SCN11A: variants seen among roughly 807,000 people sequenced by gnomAD.
The protein encoded by SCN11A is sodium channel protein type 11 subunit alpha.
SCN11A carries 122 observed loss-of-function variants against 162.2 expected under a neutral mutation model. That is an observed-to-expected ratio of 0.75 (90% confidence interval 0.65 to 0.87). SCN11A has a LOEUF of 0.87. Among genes scored for constraint, SCN11A ranks in the 40% least tolerant of loss-of-function variants. SCN11A has a pLI of 0.00. For synonymous variants in SCN11A, 758 were observed against 751.5 expected, an observed-to-expected ratio of 1.01 and a Z score of -0.14; for missense variants, 2,015 against 2,181.6, an observed-to-expected ratio of 0.92 and a Z score of 1.52.
At chr3:38,891,621 A>G (rs1207691378) in intron 19 of SCN11A, among the ~76,000 whole-genome samples, 1 of 152,212 alleles carries the variant, frequency 6.6e-6, no homozygotes, top group Non-Finnish European at 1.5e-5. Flanking sequence ...TGGGAAGACC[A>G]AGATCAACAG....
At chr3:38,887,695 A>T (rs1298276870) in intron 19 of SCN11A, among the ~76,000 whole-genome samples, 1 of 152,206 alleles carries the variant, frequency 6.6e-6, no homozygotes, top group Non-Finnish European at 1.5e-5. Flanking sequence ...TGGCACAGAT[A>T]ATAAGAGAAT....
At chr3:38,907,479 C>T (rs2065819001) in intron 14 of SCN11A, among the ~76,000 whole-genome samples, 1 of 151,722 alleles carries the variant, frequency 6.6e-6, no homozygotes, top group Non-Finnish European at 1.5e-5. Flanking sequence ...GGTTACCTTC[C>T]ATTCCATATA....
At chr3:38,936,129 T>A (rs1302065750) in intron 7 of SCN11A, among the ~76,000 whole-genome samples, 1 of 151,526 alleles carries the variant, frequency 6.6e-6, no homozygotes, top group African/African-American at 2.4e-5. Flanking sequence ...CACATGATTA[T>A]CTCAATAGAT....
intron 18 of SCN11A, among the ~76,000 whole-genome samples, chr3:38,895,813 C>T (rs987752896): frequency 4.6e-5 from 7 of 152,100 alleles, no homozygotes; most frequent in South Asian, 4.2e-4. Context: ...AATCCTTTCT[C>T]GGTGCTCTCC....
intron 23 of SCN11A, among the ~76,000 whole-genome samples, chr3:38,873,013 A>C (rs1243852408): frequency 3.9e-5 from 6 of 152,206 alleles, no homozygotes; most frequent in African/African-American, 1.4e-4. Flanking sequence ...TGGGGAATTA[A>C]ATGCTATTTT....
At chr3:38,916,119 T>C (rs1481644210) in intron 11 of SCN11A, among the ~76,000 whole-genome samples, 5 of 152,228 alleles carry the variant, frequency 3.3e-5, no homozygotes, top group African/African-American at 1.2e-4. Flanking sequence ...AAATTAAGAT[T>C]GCAACTTCTG....
At chr3:38,994,268 T>C (rs984336473) in intron 2 of SCN11A, among the ~76,000 whole-genome samples, 1 of 152,206 alleles carries the variant, frequency 6.6e-6, no homozygotes, top group East Asian at 1.9e-4. Context: ...GGCAGAACGA[T>C]GGACCAGCTA....
chr3:39,037,615 T>C (rs1443699885), intron 1 of SCN11A, among the ~76,000 whole-genome samples: 1 of 152,128 alleles, frequency 6.6e-6, no homozygotes, highest in East Asian at 1.9e-4. Context: ...ATACATCTAC[T>C]ATATACCTAT....
intron 27 of SCN11A, among the ~76,000 whole-genome samples, chr3:38,866,885 G>A (rs1054113608): frequency 2.0e-5 from 3 of 152,218 alleles, no homozygotes; most frequent in Non-Finnish European, 4.4e-5. Context: ...TAGATCTGCT[G>A]AGGCTTGGGT....
chr3:38,955,098 G>A (rs1483295423), intron 3 of SCN11A, among the ~76,000 whole-genome samples: 1 of 152,212 alleles, frequency 6.6e-6, no homozygotes, highest in African/African-American at 2.4e-5. Flanking sequence ...AGACCAGCCT[G>A]GCCAACATGG....
intron 9 of SCN11A, among the ~76,000 whole-genome samples, chr3:38,923,861 C>T (rs942608315): frequency 6.6e-5 from 10 of 152,112 alleles, no homozygotes; most frequent in African/African-American, 2.4e-4. Flanking sequence ...GTCTGAGAGA[C>T]AGACAAGGGA....
chr3:38,894,269 A>G (rs1372799067), intron 19 of SCN11A, among the ~76,000 whole-genome samples: 1 of 152,102 alleles, frequency 6.6e-6, no homozygotes, highest in Non-Finnish European at 1.5e-5. Flanking sequence ...TTTCTTGTAG[A>G]GTTCAACCAA....
chr3:38,920,043 C>T (rs1256669351), intron 10 of SCN11A, 42 bp from the exon 11 acceptor site: 1 of 1,458,664 alleles, frequency 6.9e-7, no homozygotes, highest in Non-Finnish European at 9.6e-7. Context: ...TTAAAAAAAA[C>T]ATTGAAAGGA....
chr3:39,038,113 G>A (rs1016681223), intron 1 of SCN11A, among the ~76,000 whole-genome samples: 3 of 152,198 alleles, frequency 2.0e-5, no homozygotes, highest in African/African-American at 7.2e-5. Context: ...ATGAGGAAGA[G>A]AAGGTGTATT....
chr3:38,979,814 A>G (rs2029951162), intron 2 of SCN11A, among the ~76,000 whole-genome samples: 1 of 152,164 alleles, frequency 6.6e-6, no homozygotes, highest in Non-Finnish European at 1.5e-5. Flanking sequence ...AAATTCATAT[A>G]TGGGCAGGTT....
intron 1 of SCN11A, among the ~76,000 whole-genome samples, chr3:39,050,913 T>C (rs375924807): frequency 5.3e-5 from 8 of 152,310 alleles, no homozygotes; most frequent in African/African-American, 1.9e-4. Flanking sequence ...ATACATCATA[T>C]GCTATATCCC....
intron 2 of SCN11A, among the ~76,000 whole-genome samples, chr3:39,020,623 A>G (rs746569939): frequency 6.6e-6 from 1 of 152,178 alleles, no homozygotes; most frequent in Non-Finnish European, 1.5e-5. Flanking sequence ...CCCCAAAAAG[A>G]CTGAGCTTCG....
chr3:38,998,547 C>G (rs984487697), intron 2 of SCN11A, among the ~76,000 whole-genome samples: 1 of 152,096 alleles, frequency 6.6e-6, no homozygotes, highest in Non-Finnish European at 1.5e-5. Context: ...ACCCAGTCAT[C>G]CATTACTGGG....
intron 26 of SCN11A, among the ~76,000 whole-genome samples, chr3:38,868,524 C>G (rs1001108338): frequency 1.3e-5 from 2 of 152,204 alleles, no homozygotes; most frequent in African/African-American, 2.4e-5. Context: ...CTTCATGTCC[C>G]TCTTTGTTAA....
Sources: gnomAD v4.1 joint callset for allele counts (sites outside exome capture counted in the v4.1 genomes callset) on GRCh38, gnomAD v4.1.1 for gene constraint, MANE v1.5 for transcripts, NCBI Gene and HGNC (gene_info 2026-07-23, HGNC 2026-07-21) for gene names.